Variants in PCDHGA3 observed in about 807,000 individuals in gnomAD.
PCDHGA3 encodes protocadherin gamma subfamily A, 3.
PCDHGA3 carries 40 observed loss-of-function variants against 58.5 expected under a neutral mutation model. The observed-to-expected ratio is 0.68, with a 90% CI of 0.53 to 0.89. The LOEUF is 0.89. Ranked by LOEUF, PCDHGA3 falls within the 40% of genes least tolerant of loss-of-function variation. The pLI, the probability that PCDHGA3 is intolerant of heterozygous loss-of-function variation, is 0.00. For synonymous variants in PCDHGA3, 530 were observed against 525.7 expected (o/e 1.01, Z -0.11); for missense variants, 1,223 against 1,195.9 (o/e 1.02, Z -0.33).
rs540850539 is a variant in PCDHGA3 at position 141,345,785 on chromosome 5, C to T, written c.1752C>T (p.Pro584=). 85 of 1,614,034 alleles carry T rather than the reference C, an allele frequency of 5.3e-5. No individual in the cohort carries two copies. In the African/African-American group the frequency reaches 8.9e-4, roughly 17 times the overall value. Residue 584 remains proline (P), a synonymous_variant, in exon 1 of 4, where the codon CCC becomes CCT. Coordinates refer to ENST00000253812, the MANE Select transcript of PCDHGA3 (RefSeq NM_018916.4). The stretch of plus-strand genomic sequence containing the variant: ...AGCTGGCGCCTCGCTCCGCAGAGCC[C>T]GGCTACCTGGTGACCAAGGTGGTGG... ...GVELAPRSAE[P]GYLVTKVVAV... is the part of the protein sequence containing the mutation.
intron 1 of PCDHGA3, chr5:141,374,635 C>A (rs759050511): frequency 3.7e-6 from 6 of 1,612,926 alleles, no homozygotes; most frequent in Non-Finnish European, 4.2e-6. Flanking sequence ...ACGTGCAAAG[C>A]GAAGCCCATG....
intron 2 of PCDHGA3, among the ~76,000 whole-genome samples, chr5:141,496,468 C>T (rs1410143575): frequency 2.0e-5 from 3 of 152,126 alleles, no homozygotes; most frequent in Non-Finnish European, 4.4e-5. Context: ...AGTTATCTTT[C>T]CCCCATCCTG....
At chr5:141,419,327 TC>T (rs774592605) in intron 1 of PCDHGA3, 1 of 1,613,856 alleles carries the variant, frequency 6.2e-7, no homozygotes, top group Non-Finnish European at 8.5e-7. Flanking sequence ...TGTCTCCTAC[TC>T]TCTCATTGCC....
chr5:141,457,273 G>A (rs746102734), intron 1 of PCDHGA3, among the ~76,000 whole-genome samples: 7 of 152,144 alleles, frequency 4.6e-5, no homozygotes, highest in Admixed American at 1.3e-4. Context: ...CCCTCTGTGG[G>A]CCTACGAAGT....
At chr5:141,382,115 A>G (rs1777964060) in intron 1 of PCDHGA3, among the ~76,000 whole-genome samples, 2 of 152,100 alleles carry the variant, frequency 1.3e-5, no homozygotes, top group African/African-American at 4.8e-5. Flanking sequence ...GGCGTGAGCA[A>G]CAGCACCTGG....
At chr5:141,500,959 C>T (rs2099804326) in intron 2 of PCDHGA3, among the ~76,000 whole-genome samples, 1 of 152,022 alleles carries the variant, frequency 6.6e-6, no homozygotes, top group South Asian at 2.1e-4. Flanking sequence ...AGCTCCACCT[C>T]CTGGGTTCAA....
intron 1 of PCDHGA3, chr5:141,395,626 G>A (rs57582939): frequency 0.038 from 6,997 of 184,208 alleles, 191 homozygotes; most frequent in African/African-American, 0.067. Context: ...TTATCAAGAA[G>A]TCTAAAGCCT....
chr5:141,473,053 TACA>T (rs1452453123), intron 1 of PCDHGA3, among the ~76,000 whole-genome samples: 1 of 150,200 alleles, frequency 6.7e-6, no homozygotes, highest in Non-Finnish European at 1.5e-5. Flanking sequence ...AAAGAAGTGA[TACA>T]ACAAGTTACA....
chr5:141,356,299 G>C (rs1226901970), intron 1 of PCDHGA3: 9 of 1,554,702 alleles, frequency 5.8e-6, no homozygotes, highest in Non-Finnish European at 7.0e-6. Flanking sequence ...TACAGTAATT[G>C]CACTTTTCAA....
Position 141,344,183 on chromosome 5 carries a change from C to A in PCDHGA3, c.150C>A (p.Asn50Lys), listed in dbSNP as rs781139153. 8 of 1,613,930 alleles carry A rather than the reference C, an allele frequency of 5.0e-6. No individual in the cohort carries two copies. In the Admixed American group the frequency reaches 5.0e-5, roughly 10 times the overall value. The part of the protein sequence containing the change: ...DKGSFVGNIA[N>K]DLGLEPRELA... ...GTTCCTTCGTGGGCAACATCGCTAA[C>A]GACCTGGGGCTAGAGCCCCGGGAGC... Residue 50 changes from asparagine (N) to lysine (K), a missense_variant, in exon 1 of 4, where the codon AAC (asparagine) becomes AAA (lysine). Physicochemically the swap from Asn to Lys is moderately conservative, Grantham distance 94 (BLOSUM62 0). This residue lies in a region of PCDHGA3 where 791 missense variants were observed against 708.5 expected (regional missense o/e 1.12). Coordinates refer to ENST00000253812, the MANE Select transcript of PCDHGA3 (RefSeq NM_018916.4).
chr5:141,441,036 A>G (rs2098219746), intron 1 of PCDHGA3: 1 of 152,216 alleles, frequency 6.6e-6, no homozygotes, highest in South Asian at 2.1e-4. Context: ...TGAAAACTTT[A>G]AGTACATTGG....
intron 1 of PCDHGA3, chr5:141,403,407 A>T (rs2094404225): frequency 6.2e-7 from 1 of 1,613,940 alleles, no homozygotes. Context: ...GGAGCACGTT[A>T]TCCACTTCCA....
rs374159387 is a variant in PCDHGA3, at chr5:141,385,182, G to A, written c.2424+38725G>A. 154 of 1,614,138 alleles carry A rather than the reference G, an allele frequency of 9.5e-5. 1 individual carries two copies. The African/African-American group carries it at 1.3e-3, about 14-fold the overall frequency. ...ATTCCCATGAGGTCTCCCTCACCGC[G>A]GACTCTCGGAAGAGTCACCTGATCT... On this transcript the variant is annotated intron_variant, in intron 1 of 3. Coordinates refer to ENST00000253812, the MANE Select transcript of PCDHGA3 (RefSeq NM_018916.4).
intron 1 of PCDHGA3, chr5:141,375,536 G>A: frequency 6.2e-7 from 1 of 1,613,972 alleles, no homozygotes; most frequent in African/African-American, 1.3e-5. Flanking sequence ...GGACCAGAAC[G>A]CCCAAGTCTC....
rs767701229 is a variant in PCDHGA3, at chr5:141,405,417, T to TTTTTG, written c.2424+58975_2424+58979dup. 250 of 1,563,234 alleles carry TTTTTG rather than the reference T, an allele frequency of 1.6e-4. 1 individual carries two copies. Among genetic ancestry groups the TTTTTG allele is most frequent in the Admixed American group, 1.3e-4 (7 of 55,240 alleles). On this transcript the variant is annotated intron_variant, in intron 1 of 3. Coordinates refer to ENST00000253812, the MANE Select transcript of PCDHGA3 (RefSeq NM_018916.4). The stretch of plus-strand genomic sequence containing the variant: ...TTCTTTCTTTCTTTTCTTTTTTTGT[T>TTTTTG]TTTTGTTTTGTTTTGTTTTTGAGAC...
At chr5:141,501,869 C>G (rs1595765055) in intron 2 of PCDHGA3, among the ~76,000 whole-genome samples, 1 of 152,130 alleles carries the variant, frequency 6.6e-6, no homozygotes, top group Non-Finnish European at 1.5e-5. Context: ...CCCAGGACGC[C>G]TCCTTACACT....
At chr5:141,456,819 C>A (rs1453433865) in intron 1 of PCDHGA3, among the ~76,000 whole-genome samples, 1 of 151,982 alleles carries the variant, frequency 6.6e-6, no homozygotes, top group Non-Finnish European at 1.5e-5. Flanking sequence ...AAAAAATTAG[C>A]CATCGTGGTA....
intron 1 of PCDHGA3, chr5:141,389,814 G>A (rs753211260): frequency 1.2e-6 from 2 of 1,613,866 alleles, no homozygotes; most frequent in East Asian, 2.2e-5. Context: ...TCTGGTCGCC[G>A]TGCGTGACGG....
At chr5:141,386,456 G>T (rs2090582697) in intron 1 of PCDHGA3, among the ~76,000 whole-genome samples, 1 of 152,278 alleles carries the variant, frequency 6.6e-6, no homozygotes, top group East Asian at 1.9e-4. Flanking sequence ...CAAGAGGACA[G>T]CTTGAACCCA....
Sources: allele counts gnomAD v4.1 joint callset (sites outside exome capture counted in the v4.1 genomes callset), GRCh38; gene constraint gnomAD v4.1.1; regional missense constraint gnomAD v4.1.1; transcripts MANE v1.5; gene names NCBI Gene and HGNC (gene_info 2026-07-23, HGNC 2026-07-21).